The following PARP9 variants were observed in gnomAD, a reference collection of about 807,000 sequenced individuals.
PARP9 encodes the protein poly(ADP-ribose) polymerase family member 9.
A neutral mutation model predicts 68.8 loss-of-function variants in PARP9; 48 were observed. That is an observed-to-expected ratio of 0.70 (90% CI 0.55 to 0.89). The LOEUF is 0.89. PARP9 is among the 40% of genes least tolerant of loss of function. PARP9 has a pLI of 0.00. For synonymous variants in PARP9, 309 were observed against 333.8 expected, an observed-to-expected ratio of 0.93 and a Z score of 0.81; for missense variants, 806 against 969.3, an observed-to-expected ratio of 0.83 and a Z score of 2.24.
intron 6 of PARP9, among the ~76,000 whole-genome samples, chr3:122,548,521 A>G (rs1483750664): frequency 6.6e-6 from 1 of 152,232 alleles, no homozygotes; most frequent in African/African-American, 2.4e-5. Context: ...ATTCTTCCCT[A>G]ACATCATTAA....
chr3:122,562,096 C>T (rs1420339640), intron 1 of PARP9, among the ~76,000 whole-genome samples: 1 of 152,192 alleles, frequency 6.6e-6, no homozygotes, highest in African/African-American at 2.4e-5. Context: ...TCCTTCCTCG[C>T]CCACTGACAC....
upstream of PARP9, chr3:122,564,626 C>A: frequency 6.3e-7 from 1 of 1,576,564 alleles, no homozygotes; most frequent in Non-Finnish European, 8.6e-7. Context: ...GAGCTTCGGG[C>A]GGCCAGGCTG....
intron 10 of PARP9, chr3:122,532,452 G>A: frequency 2.0e-6 from 2 of 979,390 alleles, no homozygotes; most frequent in Non-Finnish European, 2.4e-6. Flanking sequence ...TGCAGGAACT[G>A]AGTTTCAATC....
At chr3:122,532,029 G>A in intron 10 of PARP9, 2 of 507,234 alleles carry the variant, frequency 3.9e-6, no homozygotes, top group Non-Finnish European at 5.1e-6. Flanking sequence ...CTCGGAATAA[G>A]AACAATTGGA....
upstream of PARP9, chr3:122,564,625 G>A (rs771329046): frequency 1.8e-5 from 28 of 1,578,032 alleles, no homozygotes; most frequent in Non-Finnish European, 2.4e-5. Flanking sequence ...TGAGCTTCGG[G>A]CGGCCAGGCT....
intron 7 of PARP9, among the ~76,000 whole-genome samples, chr3:122,544,301 T>C (rs1236502061): frequency 6.6e-6 from 1 of 152,244 alleles, no homozygotes; most frequent in East Asian, 1.9e-4. Flanking sequence ...GGAGTTTGTC[T>C]ATCTTCCCAG....
intron 10 of PARP9, chr3:122,533,130 T>C (rs779257577): frequency 5.9e-5 from 9 of 152,124 alleles, no homozygotes; most frequent in Non-Finnish European, 1.2e-4. Flanking sequence ...GCAGTAGGAA[T>C]AGAGAGGTGA....
intron 4 of PARP9, among the ~76,000 whole-genome samples, chr3:122,553,593 G>T (rs1272325317): frequency 6.6e-6 from 1 of 152,112 alleles, no homozygotes; most frequent in Non-Finnish European, 1.5e-5. Flanking sequence ...TTTTAAATTT[G>T]TGTGTTAATG....
chr3:122,555,202 A>G, intron 4 of PARP9, 84 bp downstream of exon 4: 2 of 1,265,482 alleles, frequency 1.6e-6, no homozygotes, highest in Non-Finnish European at 2.2e-6. Flanking sequence ...GTTTCTACAT[A>G]GTGTTGCATA....
At chr3:122,535,942 T>C (rs1218411992) in intron 10 of PARP9, 1 of 1,426,032 alleles carries the variant, frequency 7.0e-7, no homozygotes, top group African/African-American at 1.4e-5. Context: ...CTGCTCACAC[T>C]TTTCATCAAT....
At chr3:122,553,693 C>T (rs2079401040) in intron 4 of PARP9, among the ~76,000 whole-genome samples, 1 of 152,074 alleles carries the variant, frequency 6.6e-6, no homozygotes, top group South Asian at 2.1e-4. Flanking sequence ...GTTTGTTTTA[C>T]CAGTGTCTAA....
chr3:122,558,956 C>T (rs925350958), intron 2 of PARP9, among the ~76,000 whole-genome samples: 6 of 152,318 alleles, frequency 3.9e-5, no homozygotes, highest in African/African-American at 1.4e-4. Context: ...TTCAAGTGAT[C>T]CTCCTGGCTT....
Position 122,555,841 on chromosome 3 carries a change from A to G in PARP9, c.330T>C (p.His110=), listed in dbSNP as rs2079587808. ...CCAGGGCCAGGGCCAGGCCTCCCCC[A>G]TGCAGAAGATCTTCATTGGCTGCAT... ...VVNAANEDLL[H]GGGLALALVK... Residue 110 remains histidine (H), a synonymous_variant, in exon 4 of 11, where the codon CAT becomes CAC. Coordinates refer to ENST00000682323, the MANE Select transcript of PARP9 (RefSeq NM_001146105.2). The G allele has an allele frequency of 2.5e-6, 4 of 1,613,988 alleles. No individual in the cohort carries two copies. The highest frequency in any genetic ancestry group is 2.5e-6 in the Non-Finnish European group (3 of 1,180,014).
chr3:122,550,130 A>G lies in PARP9; in HGVS notation c.1326+454T>C, dbSNP rs370974677. 3.3e-5 allele frequency among the ~76,000 whole-genome samples: 5 copies of G among 152,102 alleles called. No individual in the cohort carries two copies. In the East Asian group the frequency reaches 9.6e-4, roughly 29 times the overall value. Reference sequence around the variant, plus strand: ...GTTTCACTCTTGTTGCTCAGGCTGGAGTACAATGGCGTGATCTCGGCTCAC... The same window carrying G: ...GTTTCACTCTTGTTGCTCAGGCTGGGGTACAATGGCGTGATCTCGGCTCAC... On this transcript the variant is annotated intron_variant, in intron 6 of 10. Coordinates refer to ENST00000682323, the MANE Select transcript of PARP9 (RefSeq NM_001146105.2).
At chr3:122,542,360 A>C (rs2078305642) in intron 7 of PARP9, among the ~76,000 whole-genome samples, 1 of 148,642 alleles carries the variant, frequency 6.7e-6, no homozygotes, top group Non-Finnish European at 1.5e-5. Context: ...AAGCACTGGG[A>C]CTACAGGCAT....
rs1332823239 is a variant in PARP9, at chr3:122,536,166, A to C, written c.2080+2T>G. ...CCCCAATGATGAGGCATTGACACCT[A>C]CCGCAAGGTGTCGAGTACATTCTTT... On this transcript the variant is annotated splice_donor_variant, in intron 10 of 10. Transcript: ENST00000682323. LOFTEE classifies it high-confidence loss of function. 2 of 1,614,122 alleles carry C rather than the reference A, an allele frequency of 1.2e-6. No homozygotes were observed. Among genetic ancestry groups the C allele is most frequent in the African/African-American group, 1.3e-5 (1 of 75,038 alleles).
chr3:122,539,286 G>T (rs1278812163), intron 8 of PARP9, among the ~76,000 whole-genome samples: 1 of 152,098 alleles, frequency 6.6e-6, no homozygotes, highest in African/African-American at 2.4e-5. Flanking sequence ...TCTGGGTTAG[G>T]TGCCTCTCCG....
At position 122,528,440 on chromosome 3, in the gene PARP9, T is replaced by C. The variant is rs1461971770; in HGVS notation, c.2384A>G (p.Asp795Gly). The C allele has an allele frequency of 5.6e-6, 9 of 1,614,192 alleles. No individual in the cohort carries two copies. The highest frequency in any genetic ancestry group is 7.6e-6 in the Non-Finnish European group (9 of 1,180,042). ...TCTQEYVQSQ[D>G]YSSGPMRPFA... Reference sequence around the variant, plus strand: ...GGGTCTCATTGGTCCTGATGAGTAATCTTGTGACTGTACATATTCCTGGGT... The same window carrying C: ...GGGTCTCATTGGTCCTGATGAGTAACCTTGTGACTGTACATATTCCTGGGT... Residue 795 changes from aspartate to glycine, a missense_variant, in exon 11 of 11, where the codon GAT (aspartate) becomes GGT (glycine). By Grantham distance (94) the Asp-to-Gly change is moderately conservative. This residue lies in a region of PARP9 where 680 missense variants were observed against 858.8 expected (regional missense o/e 0.79). Coordinates refer to ENST00000682323, the MANE Select transcript of PARP9 (RefSeq NM_001146105.2).
chr3:122,555,580 C>G lies in PARP9; in HGVS notation c.591G>C (p.Lys197Asn), dbSNP rs763704671. ...NYVIYKNTHI[K>N]TVAIPALSSG... Reference sequence around the variant, plus strand: ...AGCTCAAGGCTGGAATTGCTACTGTCTTAATGTGAGTATTTTTATAGATGA... The same window carrying G: ...AGCTCAAGGCTGGAATTGCTACTGTGTTAATGTGAGTATTTTTATAGATGA... Residue 197 changes from lysine (K) to asparagine (N), a missense_variant, in exon 4 of 11, where the codon AAG becomes AAC. This residue lies in a region of PARP9 where 680 missense variants were observed against 858.8 expected (regional missense o/e 0.79). Transcript: ENST00000682323. The G allele has an allele frequency of 1.2e-6, 2 of 1,614,174 alleles. No homozygotes were observed. Among genetic ancestry groups the G allele is most frequent in the Admixed American group, 3.3e-5 (2 of 60,018 alleles).
Sources: allele counts gnomAD v4.1 joint callset (sites outside exome capture counted in the v4.1 genomes callset), GRCh38; gene constraint gnomAD v4.1.1; regional missense constraint gnomAD v4.1.1; transcripts MANE v1.5; gene names NCBI Gene and HGNC (gene_info 2026-07-23, HGNC 2026-07-21).